VTI1A: variants seen among roughly 807,000 people sequenced by gnomAD.
VTI1A encodes vesicle transport through interaction with t-SNAREs 1A, also known as vesicle transport through interaction with t-SNAREs homolog 1A.
Under a neutral mutation model 34.9 loss-of-function variants are expected in VTI1A, and 22 were observed. That is an observed-to-expected ratio of 0.63 (90% CI 0.45 to 0.90). VTI1A has a LOEUF of 0.90. Among genes scored for constraint, VTI1A ranks in the 40% least tolerant of loss-of-function variants. The pLI is 0.00. For synonymous variants in VTI1A, 87 were observed against 97.3 expected (o/e 0.89, Z 0.62); for missense variants, 268 against 275.6 (o/e 0.97, Z 0.20).
chr10:112,577,822 C>G (rs986278608), intron 5 of VTI1A, among the ~76,000 whole-genome samples: 1 of 152,156 alleles, frequency 6.6e-6, no homozygotes, highest in African/African-American at 2.4e-5. Context: ...AGCCAAGCAG[C>G]CTTCCAGGCA....
chr10:112,570,197 G>A (rs1852065191), intron 5 of VTI1A, among the ~76,000 whole-genome samples: 1 of 151,990 alleles, frequency 6.6e-6, no homozygotes, highest in Admixed American at 6.6e-5. Context: ...ATGGAGTCAG[G>A]GCATACATCT....
intron 5 of VTI1A, among the ~76,000 whole-genome samples, chr10:112,573,918 G>A (rs951368726): frequency 2.0e-5 from 3 of 152,158 alleles, no homozygotes; most frequent in Non-Finnish European, 2.9e-5. Flanking sequence ...TGTGAGGAAT[G>A]TTTTGTACTT....
At chr10:112,821,061 T>C (rs1465530217), downstream of VTI1A, among the ~76,000 whole-genome samples, 1 of 152,104 alleles carries the variant, frequency 6.6e-6, no homozygotes, top group African/African-American at 2.4e-5. Context: ...GGAAAGCACT[T>C]CCTCATCCGG....
chr10:112,684,108 T>A (rs907770271), intron 7 of VTI1A, among the ~76,000 whole-genome samples: 1 of 151,794 alleles, frequency 6.6e-6, no homozygotes, highest in African/African-American at 2.4e-5. Context: ...AGGGAGAAAA[T>A]TATTCATAAT....
At chr10:112,602,932 A>G (rs1280507841) in intron 5 of VTI1A, among the ~76,000 whole-genome samples, 1 of 152,218 alleles carries the variant, frequency 6.6e-6, no homozygotes, top group African/African-American at 2.4e-5. Context: ...AGCCTGCTAA[A>G]GCAGATGTGC....
At chr10:112,537,118 C>T (rs1007717493) in intron 4 of VTI1A, among the ~76,000 whole-genome samples, 3 of 151,590 alleles carry the variant, frequency 2.0e-5, no homozygotes, top group Admixed American at 6.6e-5. Flanking sequence ...GAAAGCATTT[C>T]TCCAATTTTA....
intron 5 of VTI1A, among the ~76,000 whole-genome samples, chr10:112,553,543 C>T (rs1403045584): frequency 1.3e-5 from 2 of 152,228 alleles, no homozygotes; most frequent in Non-Finnish European, 2.9e-5. Context: ...GTTTATTTCT[C>T]ACTCTTGAAA....
chr10:112,527,885 T>C (rs933386951), intron 4 of VTI1A, among the ~76,000 whole-genome samples: 4 of 152,128 alleles, frequency 2.6e-5, no homozygotes, highest in Admixed American at 1.3e-4. Context: ...GCCTCTTTCT[T>C]TGAATTAATA....
At chr10:112,765,256 T>G (rs1851608800) in intron 7 of VTI1A, among the ~76,000 whole-genome samples, 1 of 152,256 alleles carries the variant, frequency 6.6e-6, no homozygotes, top group South Asian at 2.1e-4. Flanking sequence ...TCACCCAGGC[T>G]GGAGTGCAGT....
chr10:112,778,250 A>G (rs559517489), intron 7 of VTI1A, among the ~76,000 whole-genome samples: 1 of 152,328 alleles, frequency 6.6e-6, no homozygotes, highest in Non-Finnish European at 1.5e-5. Flanking sequence ...TTAACTTAAT[A>G]CCAAAGCCAT....
At chr10:112,619,039 G>A (rs1378662865) in intron 5 of VTI1A, among the ~76,000 whole-genome samples, 1 of 150,352 alleles carries the variant, frequency 6.7e-6, no homozygotes, top group African/African-American at 2.5e-5. Context: ...TTCTGGAATC[G>A]TGCCTGGCAC....
chr10:112,788,333 G>A (rs892861503), intron 7 of VTI1A, among the ~76,000 whole-genome samples: 2 of 152,024 alleles, frequency 1.3e-5, no homozygotes, highest in Non-Finnish European at 2.9e-5. Flanking sequence ...TAGTTATTAG[G>A]TGTGTGTATG....
intron 1 of VTI1A, chr10:112,449,844 A>T (rs1847167591): frequency 6.6e-6 from 1 of 152,236 alleles, no homozygotes; most frequent in South Asian, 2.1e-4. Flanking sequence ...AATTGAAAGG[A>T]GACTGCATTG....
intron 5 of VTI1A, among the ~76,000 whole-genome samples, chr10:112,664,387 A>AT (rs886144496): frequency 5.3e-5 from 8 of 152,148 alleles, no homozygotes; most frequent in African/African-American, 1.7e-4. Flanking sequence ...GGTCTTATAA[A>AT]TTTTTTTTAA....
intron 5 of VTI1A, among the ~76,000 whole-genome samples, chr10:112,574,393 C>T (rs1168007643): frequency 2.0e-5 from 3 of 152,176 alleles, no homozygotes; most frequent in African/African-American, 4.8e-5. Flanking sequence ...GAACCAGCAC[C>T]AGTCTATGGA....
intron 5 of VTI1A, among the ~76,000 whole-genome samples, chr10:112,541,816 T>G (rs999557447): frequency 6.6e-6 from 1 of 152,224 alleles, no homozygotes; most frequent in Non-Finnish European, 1.5e-5. Context: ...CACCCTGATA[T>G]GCACGGAGTT....
intron 5 of VTI1A, among the ~76,000 whole-genome samples, chr10:112,598,540 A>G (rs1844756971): frequency 1.3e-5 from 2 of 152,182 alleles, no homozygotes; most frequent in African/African-American, 2.4e-5. Context: ...CTTTAAAACC[A>G]TTTGCAAAGA....
chr10:112,746,454 G>A (rs1283713886), intron 7 of VTI1A, among the ~76,000 whole-genome samples: 1 of 152,206 alleles, frequency 6.6e-6, no homozygotes, highest in Non-Finnish European at 1.5e-5. Flanking sequence ...ACCCTCTGGT[G>A]TGTGCAGCCC....
intron 7 of VTI1A, among the ~76,000 whole-genome samples, chr10:112,684,100 G>A (rs1028482660): frequency 6.6e-6 from 1 of 151,584 alleles, no homozygotes; most frequent in Non-Finnish European, 1.5e-5. Context: ...CAAGAAACAG[G>A]GAGAAAATTA....
Sources: allele counts gnomAD v4.1 joint callset (sites outside exome capture counted in the v4.1 genomes callset), GRCh38; gene constraint gnomAD v4.1.1; transcripts MANE v1.5; gene names NCBI Gene and HGNC (gene_info 2026-07-23, HGNC 2026-07-21).